EYA1: variants seen among roughly 807,000 people sequenced by gnomAD.
The protein encoded by EYA1 is EYA transcriptional coactivator and phosphatase 1, also known as protein phosphatase EYA1.
EYA1 carries 16 observed loss-of-function variants against 82.0 expected under a neutral mutation model. That is an observed-to-expected ratio of 0.20 (90% CI 0.13 to 0.30). EYA1 has a LOEUF of 0.30. Ranked by LOEUF, EYA1 falls within the 10% of genes least tolerant of loss-of-function variation. The pLI is 1.00. For missense variants in EYA1, 633 were observed against 730.7 expected (o/e 0.87, Z 1.54); for synonymous variants, 261 against 264.4 (o/e 0.99, Z 0.12).
At chr8:71,410,214 T>A (rs1038805390) in intron 2 of EYA1, among the ~76,000 whole-genome samples, 20 of 133,824 alleles carry the variant, frequency 1.5e-4, no homozygotes, top group African/African-American at 5.7e-4. Context: ...AATTAGGTAT[T>A]GATGGGACGT....
chr8:71,252,016 A>G lies in EYA1; in HGVS notation c.1051-7324T>C, dbSNP rs551532713. Among the ~76,000 whole-genome samples, 3 of 152,238 alleles carry G rather than the reference A, an allele frequency of 2.0e-5. No homozygotes were observed. In the South Asian group the frequency reaches 6.2e-4, roughly 32 times the overall value. On this transcript the variant is annotated intron_variant, in intron 11 of 17. Coordinates refer to ENST00000340726, the MANE Select transcript of EYA1 (RefSeq NM_000503.6). ...GAAAATCTGTAATTGGGTTTGAAGT[A>G]AATAAAAGAAAAGGGTATATAAATG...
Position 71,431,150 on chromosome 8 carries a change from G to A in EYA1, c.34-74639C>T, listed in dbSNP as rs145314701. Among the ~76,000 whole-genome samples, 34 of 152,238 alleles carry A rather than the reference G, an allele frequency of 2.2e-4. No homozygotes were observed. The East Asian group carries it at 5.0e-3, about 23-fold the overall frequency. ...TTACCTATTTTTTGAGTATAATCAT[G>A]TTCTCAGTCCTCTGTTAAGTGCAAA... On this transcript the variant is annotated intron_variant, in intron 2 of 18. Transcript: ENST00000643681.
intron 2 of EYA1, among the ~76,000 whole-genome samples, chr8:71,393,724 T>G (rs1444497561): frequency 1.3e-5 from 2 of 151,994 alleles, no homozygotes; most frequent in Admixed American, 1.3e-4. Context: ...GCTCCAAGTC[T>G]GCTATTGTGA....
At chr8:71,430,979 T>A (rs545966689) in intron 2 of EYA1, among the ~76,000 whole-genome samples, 2 of 152,038 alleles carry the variant, frequency 1.3e-5, no homozygotes. Flanking sequence ...GATAAGTCCT[T>A]TGTAGAGTCA....
At position 71,456,995 on chromosome 8, in the gene EYA1, T is replaced by G. The variant is rs6999894; in HGVS notation, c.33+78749A>C. On this transcript the variant is annotated intron_variant, in intron 2 of 18. Transcript: ENST00000643681. ...GGCAACCTACAGAATGGGAGAAAAT[T>G]TTTGCAATCTACTCATCTGACAAAG... Among the ~76,000 whole-genome samples the G allele has an allele frequency of 4.3e-3, 658 of 152,134 alleles. 5 individuals are homozygous for G. Among genetic ancestry groups the G allele is most frequent in the African/African-American group, 0.015 (636 of 41,510 alleles).
At chr8:71,332,538 G>A (rs1824004251) in intron 4 of EYA1, among the ~76,000 whole-genome samples, 2 of 152,034 alleles carry the variant, frequency 1.3e-5, no homozygotes, top group Admixed American at 6.6e-5. Flanking sequence ...CCCATTGCCA[G>A]CGCTTTATTT....
chr8:71,543,678 T>C (rs1309159201), intron 1 of EYA1, among the ~76,000 whole-genome samples: 3 of 152,200 alleles, frequency 2.0e-5, no homozygotes, highest in Non-Finnish European at 4.4e-5. Flanking sequence ...GAGTAAATTA[T>C]ATAGTTCAAC....
At chr8:71,394,750 C>G (rs1402578893) in intron 2 of EYA1, among the ~76,000 whole-genome samples, 1 of 151,902 alleles carries the variant, frequency 6.6e-6, no homozygotes, top group African/African-American at 2.4e-5. Flanking sequence ...TGTTCTTTTG[C>G]TTTAGGATTG....
At chr8:71,277,712 A>G (rs1056048260) in intron 9 of EYA1, among the ~76,000 whole-genome samples, 5 of 152,240 alleles carry the variant, frequency 3.3e-5, no homozygotes, top group Admixed American at 6.5e-5. Flanking sequence ...AGTGGTATTC[A>G]TGTTTGCACA....
At chr8:71,349,352 A>G (rs1025151778) in intron 3 of EYA1, among the ~76,000 whole-genome samples, 1 of 152,202 alleles carries the variant, frequency 6.6e-6, no homozygotes, top group Non-Finnish European at 1.5e-5. Context: ...GTGGCAATGA[A>G]AGCACCAATG....
chr8:71,490,932 T>C (rs936756770), intron 2 of EYA1, among the ~76,000 whole-genome samples: 7 of 152,188 alleles, frequency 4.6e-5, no homozygotes, highest in Admixed American at 1.3e-4. Context: ...CTACTTCAAT[T>C]GGATACACTT....
chr8:71,232,683 CTTT>C (rs111907048), intron 12 of EYA1, among the ~76,000 whole-genome samples: 1 of 144,060 alleles, frequency 6.9e-6, no homozygotes, highest in African/African-American at 2.5e-5. Flanking sequence ...TTTTTCTTTT[CTTT>C]TTTTTTTTTG....
intron 2 of EYA1, among the ~76,000 whole-genome samples, chr8:71,430,650 G>C (rs1279037742): frequency 1.3e-5 from 2 of 152,170 alleles, no homozygotes; most frequent in Non-Finnish European, 2.9e-5. Flanking sequence ...CTTTATGGGA[G>C]GCTGGAGCCA....
rs113067371 is a variant in EYA1 at position 71,513,050 on chromosome 8, G to T, written c.33+22694C>A. Among the ~76,000 whole-genome samples the T allele has an allele frequency of 1.8e-3, 269 of 152,066 alleles. 2 individuals carry two copies. Among genetic ancestry groups the T allele is most frequent in the African/African-American group, 6.1e-3 (254 of 41,508 alleles). On this transcript the variant is annotated intron_variant, in intron 2 of 18. Coordinates refer to the EYA1 transcript ENST00000643681. Reference sequence around the variant, plus strand: ...CATTAGTGTAATCTCTAAAAACAAGGGTAAAAAAGTGAGACTCAATGATCT... The same window carrying T: ...CATTAGTGTAATCTCTAAAAACAAGTGTAAAAAAGTGAGACTCAATGATCT...
intron 1 of EYA1, among the ~76,000 whole-genome samples, chr8:71,542,726 T>C (rs771568784): frequency 6.6e-6 from 1 of 152,202 alleles, no homozygotes; most frequent in African/African-American, 2.4e-5. Context: ...CCAGCATTCG[T>C]TATTTTCTGA....
At chr8:71,242,517 T>C (rs1425277328) in intron 12 of EYA1, among the ~76,000 whole-genome samples, 2 of 152,174 alleles carry the variant, frequency 1.3e-5, no homozygotes, top group Admixed American at 1.3e-4. Flanking sequence ...GACTGCTTTT[T>C]CTTTTTCTTT....
intron 2 of EYA1, among the ~76,000 whole-genome samples, chr8:71,485,443 A>C (rs548073305): frequency 1.2e-4 from 18 of 152,342 alleles, no homozygotes; most frequent in African/African-American, 4.1e-4. Context: ...AAGAATCATA[A>C]ACTAATAAAT....
intron 11 of EYA1, among the ~76,000 whole-genome samples, chr8:71,252,658 C>A (rs1460814781): frequency 1.3e-5 from 2 of 152,102 alleles, no homozygotes; most frequent in Non-Finnish European, 2.9e-5. Flanking sequence ...AAAGATGACC[C>A]AACTCTAGGA....
chr8:71,516,748 G>A (rs894993176), intron 2 of EYA1, among the ~76,000 whole-genome samples: 2 of 152,076 alleles, frequency 1.3e-5, no homozygotes, highest in Non-Finnish European at 2.9e-5. Context: ...ACATTCCTGA[G>A]TGGACAACTT....
Sources: allele counts gnomAD v4.1 joint callset (sites outside exome capture counted in the v4.1 genomes callset), GRCh38; gene constraint gnomAD v4.1.1; transcripts MANE v1.5; gene names NCBI Gene and HGNC (gene_info 2026-07-23, HGNC 2026-07-21).